Variants in ADGRL3 observed in about 807,000 individuals in gnomAD.
The protein encoded by ADGRL3 is calcium-independent alpha-latrotoxin receptor 3.
A neutral mutation model predicts 153.5 loss-of-function variants in ADGRL3; 62 were observed. That is an observed-to-expected ratio of 0.40 (90% CI 0.33 to 0.50). The LOEUF is 0.50. Among genes scored for constraint, ADGRL3 ranks in the 20% least tolerant of loss-of-function variants. ADGRL3 has a pLI of 0.47. For synonymous variants in ADGRL3, 710 were observed against 672.5 expected, an observed-to-expected ratio of 1.06 and a Z score of -0.86; for missense variants, 1,641 against 1,859.4, an observed-to-expected ratio of 0.88 and a Z score of 2.16.
At chr4:61,739,393 C>A (rs562617315) in intron 8 of ADGRL3, among the ~76,000 whole-genome samples, 12 of 151,812 alleles carry the variant, frequency 7.9e-5, no homozygotes, top group Non-Finnish European at 1.8e-4. Context: ...ACTACAACCT[C>A]CATTTCCTGG....
intron 1 of ADGRL3, among the ~76,000 whole-genome samples, chr4:61,326,360 T>A (rs566345799): frequency 1.3e-5 from 2 of 152,170 alleles, no homozygotes; most frequent in South Asian, 4.2e-4. Context: ...TTTTATTAGA[T>A]CTTTCAATAT....
intron 9 of ADGRL3, among the ~76,000 whole-genome samples, chr4:61,853,645 C>A (rs1003845987): frequency 2.6e-5 from 4 of 152,208 alleles, no homozygotes; most frequent in Non-Finnish European, 5.9e-5. Flanking sequence ...GTGTTTGTGT[C>A]CTCAGTCTCT....
chr4:61,584,703 CTT>C (rs766495119), intron 4 of ADGRL3, among the ~76,000 whole-genome samples: 11 of 152,010 alleles, frequency 7.2e-5, no homozygotes, highest in Non-Finnish European at 1.3e-4. Context: ...CAATTTGTCT[CTT>C]GATAAATGTA....
At chr4:61,311,679 T>G (rs1309870117) in intron 1 of ADGRL3, among the ~76,000 whole-genome samples, 1 of 152,146 alleles carries the variant, frequency 6.6e-6, no homozygotes, top group Non-Finnish European at 1.5e-5. Context: ...TGACAATACC[T>G]GACTTCAAAA....
At chr4:62,036,573 G>A (rs1171651059) in intron 23 of ADGRL3, among the ~76,000 whole-genome samples, 1 of 151,854 alleles carries the variant, frequency 6.6e-6, no homozygotes, top group African/African-American at 2.4e-5. Context: ...GTTCCCATTT[G>A]GAATACTAAA....
At chr4:61,371,589 C>T (rs1027633628) in intron 1 of ADGRL3, among the ~76,000 whole-genome samples, 53 of 152,186 alleles carry the variant, frequency 3.5e-4, no homozygotes, top group African/African-American at 1.2e-3. Flanking sequence ...AGGGTTTCTG[C>T]CAAGAGATCT....
intron 9 of ADGRL3, among the ~76,000 whole-genome samples, chr4:61,836,491 A>C (rs1007642170): frequency 6.6e-6 from 1 of 152,048 alleles, no homozygotes. Context: ...ATGAAACTTT[A>C]TAGTCCCTTT....
chr4:62,068,924 A>G (rs1444544773), intron 26 of ADGRL3, among the ~76,000 whole-genome samples: 1 of 152,160 alleles, frequency 6.6e-6, no homozygotes, highest in East Asian at 1.9e-4. Context: ...TTGATAAATA[A>G]TTGCATCACA....
At chr4:61,615,011 C>T (rs1349826192) in intron 5 of ADGRL3, among the ~76,000 whole-genome samples, 1 of 152,012 alleles carries the variant, frequency 6.6e-6, no homozygotes, top group African/African-American at 2.4e-5. Flanking sequence ...GTTCTTCTTT[C>T]TCACTGGGAC....
intron 2 of ADGRL3, among the ~76,000 whole-genome samples, chr4:61,421,985 C>T (rs2097212636): frequency 6.6e-6 from 1 of 152,072 alleles, no homozygotes; most frequent in African/African-American, 2.4e-5. Context: ...TTGCTAAGGA[C>T]CCAATTCAAT....
At chr4:61,265,128 T>C (rs1244066727) in intron 1 of ADGRL3, among the ~76,000 whole-genome samples, 1 of 151,982 alleles carries the variant, frequency 6.6e-6, no homozygotes, top group South Asian at 2.1e-4. Flanking sequence ...GTAGGTGTTA[T>C]CTTTGTATAC....
At chr4:61,309,033 G>A (rs1392692070) in intron 1 of ADGRL3, among the ~76,000 whole-genome samples, 1 of 152,078 alleles carries the variant, frequency 6.6e-6, no homozygotes, top group Non-Finnish European at 1.5e-5. Flanking sequence ...GTAGACAAAA[G>A]AATTACCTTC....
chr4:62,027,265 A>G (rs1719197430), intron 21 of ADGRL3, among the ~76,000 whole-genome samples: 3 of 151,992 alleles, frequency 2.0e-5, no homozygotes, highest in South Asian at 4.1e-4. Context: ...TCACACATCC[A>G]TGGCATTATT....
At chr4:61,923,070 T>C (rs1392543227) in intron 13 of ADGRL3, among the ~76,000 whole-genome samples, 3 of 152,146 alleles carry the variant, frequency 2.0e-5, no homozygotes, top group Non-Finnish European at 4.4e-5. Context: ...AAGGCCAAGA[T>C]GGTCAAGTGA....
At chr4:61,981,395 A>G (rs1056152463) in intron 18 of ADGRL3, among the ~76,000 whole-genome samples, 10 of 144,336 alleles carry the variant, frequency 6.9e-5, no homozygotes, top group Non-Finnish European at 1.1e-4. Context: ...AAGCATTTTT[A>G]TTATATGTAA....
intron 9 of ADGRL3, among the ~76,000 whole-genome samples, chr4:61,887,616 G>A (rs1169385771): frequency 2.0e-5 from 3 of 152,176 alleles, no homozygotes; most frequent in African/African-American, 4.8e-5. Flanking sequence ...GGAGGCCGAA[G>A]AGGGCAGATC....
intron 17 of ADGRL3, among the ~76,000 whole-genome samples, chr4:61,978,339 A>T (rs76583511): frequency 9.5e-4 from 3 of 3,156 alleles, no homozygotes; most frequent in East Asian, 0.013. Flanking sequence ...CTTGCTTTTT[A>T]AAAAAAAAAT....
In ADGRL3 at chr4:61,533,414, G is replaced by C. The variant is rs558626991; in HGVS notation, c.259+15896G>C. On this transcript the variant is annotated intron_variant, in intron 4 of 26. Coordinates refer to ENST00000683033, the MANE Select transcript of ADGRL3 (RefSeq NM_001387552.1). ...AAAACAAAGGAACTAGGTTAGACTT[G>C]GACAATATATATTTCCTGGGAAACT... Among the ~76,000 whole-genome samples the C allele has an allele frequency of 2.6e-5, 4 of 152,130 alleles. No individual in the cohort carries two copies. The East Asian group carries it at 7.8e-4, about 30-fold the overall frequency.
At chr4:61,746,920 C>G (rs1337004598) in intron 8 of ADGRL3, among the ~76,000 whole-genome samples, 8 of 152,164 alleles carry the variant, frequency 5.3e-5, no homozygotes, top group South Asian at 4.2e-4. Context: ...AATCCAGGAG[C>G]TGGTTTTTTG....
Sources: allele counts gnomAD v4.1 joint callset (sites outside exome capture counted in the v4.1 genomes callset), GRCh38; gene constraint gnomAD v4.1.1; transcripts MANE v1.5; gene names NCBI Gene and HGNC (gene_info 2026-07-23, HGNC 2026-07-21).